The following ANKRD18A variants were observed in gnomAD, a reference collection of about 807,000 sequenced individuals.
The protein encoded by ANKRD18A is ankyrin repeat domain-containing protein 18A.
ANKRD18A carries 72 observed loss-of-function variants against 110.6 expected under a neutral mutation model. That is an observed-to-expected ratio of 0.65 (90% CI 0.54 to 0.79). The LOEUF (loss-of-function observed/expected upper bound fraction) is 0.79. Ranked by LOEUF, ANKRD18A falls within the 30% of genes least tolerant of loss-of-function variation. The pLI is 0.00. For synonymous variants in ANKRD18A, 305 were observed against 410.3 expected, an observed-to-expected ratio of 0.74 and a Z score of 3.10; for missense variants, 934 against 1,163.3, an observed-to-expected ratio of 0.80 and a Z score of 2.87.
chr9:38,571,859 T>C lies in ANKRD18A; in HGVS notation c.*186A>G. On this transcript the variant is annotated 3_prime_UTR_variant, in exon 16 of 16. Transcript: ENST00000399703. ...CATATGTGACATGAAAATATTCTAC[T>C]TTAGTAAAGATTATGATGTTTTATA... The C allele has an allele frequency of 7.7e-7, 1 of 1,294,784 alleles. No individual in the cohort carries two copies. The highest frequency in any genetic ancestry group is 9.9e-7 in the Non-Finnish European group (1 of 1,012,516). The allele number at this position is 1,294,784 out of a possible 1,614,324, so 80.2% of individuals were successfully genotyped here.
chr9:38,580,984 A>G (rs914610000), intron 12 of ANKRD18A, among the ~76,000 whole-genome samples: 1 of 152,236 alleles, frequency 6.6e-6, no homozygotes, highest in African/African-American at 2.4e-5. Context: ...AGCATCAACC[A>G]TCAAACACAT....
intron 6 of ANKRD18A, among the ~76,000 whole-genome samples, chr9:38,605,713 A>G (rs1357388416): frequency 6.6e-6 from 1 of 152,116 alleles, no homozygotes; most frequent in Non-Finnish European, 1.5e-5. Context: ...TCCTGGGTTC[A>G]AGCAATTCTT....
downstream of ANKRD18A, chr9:38,566,600 C>A (rs1040359334): frequency 1.3e-5 from 2 of 152,144 alleles, no homozygotes; most frequent in Non-Finnish European, 2.9e-5. Flanking sequence ...TTTCAGGTAT[C>A]TTTATAGCAA....
chr9:38,597,031 G>A (rs189170741), intron 8 of ANKRD18A, among the ~76,000 whole-genome samples: 53 of 152,240 alleles, frequency 3.5e-4, no homozygotes, highest in Admixed American at 2.5e-3. Flanking sequence ...CAAGCTGCAG[G>A]ATTTTCCTCA....
intron 12 of ANKRD18A, among the ~76,000 whole-genome samples, chr9:38,582,763 T>C (rs1824217359): frequency 6.6e-6 from 1 of 152,242 alleles, no homozygotes; most frequent in Admixed American, 6.5e-5. Context: ...TAAATCTTTG[T>C]GACTGCATTT....
At chr9:38,615,183 C>A (rs28728078) in intron 3 of ANKRD18A, among the ~76,000 whole-genome samples, 1 of 152,274 alleles carries the variant, frequency 6.6e-6, no homozygotes, top group East Asian at 1.9e-4. Flanking sequence ...TTAAACCTTG[C>A]CCATGAAAGA....
chr9:38,591,511 G>A (rs566578070), intron 10 of ANKRD18A, among the ~76,000 whole-genome samples: 3 of 152,158 alleles, frequency 2.0e-5, no homozygotes, highest in Non-Finnish European at 4.4e-5. Context: ...TGAGCTACAG[G>A]TAAGATTTGC....
chr9:38,613,232 G>C (rs1825716292), intron 3 of ANKRD18A, among the ~76,000 whole-genome samples: 1 of 150,728 alleles, frequency 6.6e-6, no homozygotes, highest in Non-Finnish European at 1.5e-5. Context: ...AGCAGACCAA[G>C]CAGTGATGTG....
intron 6 of ANKRD18A, among the ~76,000 whole-genome samples, chr9:38,604,449 T>C (rs1355270328): frequency 6.9e-6 from 1 of 145,206 alleles, no homozygotes; most frequent in Non-Finnish European, 1.5e-5. Context: ...TAGCCAACCA[T>C]GAAGGGAGAC....
chr9:38,615,200 C>T (rs1357229392), intron 3 of ANKRD18A, among the ~76,000 whole-genome samples: 4 of 152,204 alleles, frequency 2.6e-5, no homozygotes, highest in African/African-American at 9.6e-5. Context: ...AAGATACATC[C>T]ATTTTGTTAG....
chr9:38,615,755 G>T lies in ANKRD18A; in HGVS notation c.334C>A (p.Gln112Lys). Residue 112 changes from glutamine (Q) to lysine (K), a missense_variant, in exon 3 of 16, where the codon CAG (glutamine) becomes AAG (lysine). Transcript: ENST00000399703. ...RTPLMKAVHS[Q>K]EEACAIVLLE... is the part of the protein sequence containing the mutation. ...AGAACGATGGCACAAGCCTCTTCCTGGCTGTGTACAGCCTATTAGTGTTAG... is the reference window on the plus strand; with the variant it reads ...AGAACGATGGCACAAGCCTCTTCCTTGCTGTGTACAGCCTATTAGTGTTAG... The T allele has an allele frequency of 6.2e-7, 1 of 1,612,982 alleles. No individual in the cohort carries two copies. Among genetic ancestry groups the T allele is most frequent in the Non-Finnish European group, 8.5e-7 (1 of 1,179,836 alleles).
downstream of ANKRD18A, chr9:38,568,921 C>T (rs1823543117): frequency 2.0e-6 from 2 of 985,456 alleles, no homozygotes; most frequent in Non-Finnish European, 2.4e-6. Context: ...TGACAAGATG[C>T]TGCTGGCTGC....
chr9:38,616,656 T>C (rs1017413666), intron 1 of ANKRD18A, among the ~76,000 whole-genome samples: 1 of 152,110 alleles, frequency 6.6e-6, no homozygotes, highest in African/African-American at 2.4e-5. Context: ...GAATGTCACC[T>C]TGTTGCCCAG....
Position 38,577,944 on chromosome 9 carries a change from T to C in ANKRD18A, c.2452A>G (p.Lys818Glu), listed in dbSNP as rs1399875643. 3.1e-6 allele frequency: 5 copies of C among 1,590,002 alleles called. No individual in the cohort carries two copies. The highest frequency in any genetic ancestry group is 4.3e-6 in the Non-Finnish European group (5 of 1,166,200). The stretch of plus-strand genomic sequence containing the variant: ...AGCTCCGATTTATATTCTTGTAGTT[T>C]ACCAAGTTCTACCATATCTTTTTCC... The part of the protein sequence containing the change: ...HMEKDMVELG[K>E]LQEYKSELDE... The change falls in exon 13 of 16, where the codon AAA becomes GAA. Residue 818 changes from lysine (K) to glutamate (E), a missense_variant. Transcript: ENST00000399703.
At chr9:38,574,979 A>C (rs1823814803) in intron 15 of ANKRD18A, among the ~76,000 whole-genome samples, 1 of 151,988 alleles carries the variant, frequency 6.6e-6, no homozygotes, top group Non-Finnish European at 1.5e-5. Context: ...CTGTAGTCCC[A>C]GCTACTTGGG....
At position 38,577,052 on chromosome 9, in the gene ANKRD18A, C is replaced by T. The variant is rs1168763368; in HGVS notation, c.2741+1G>A. On this transcript the variant is annotated splice_donor_variant, in intron 14 of 15. Coordinates refer to ENST00000399703, the MANE Select transcript of ANKRD18A (RefSeq NM_147195.4). LOFTEE classifies it high-confidence loss of function. ...TTCTATGAGTGTATGTTTTGACTTA[C>T]TTCATTAATTTTTTTGACATGGAAT... 9 of 1,543,780 alleles carry T rather than the reference C, an allele frequency of 5.8e-6. No individual in the cohort carries two copies. Among genetic ancestry groups the T allele is most frequent in the South Asian group, 1.2e-5 (1 of 82,076 alleles).
At chr9:38,577,836 C>G in intron 13 of ANKRD18A, 31 bp downstream of exon 13, 13 of 1,559,950 alleles carry the variant, frequency 8.3e-6, no homozygotes, top group Non-Finnish European at 1.1e-5. Flanking sequence ...AAGCCCATTA[C>G]AGATAAACTT....
chr9:38,608,175 T>A (rs1264096354), intron 5 of ANKRD18A, among the ~76,000 whole-genome samples: 4 of 152,136 alleles, frequency 2.6e-5, no homozygotes, highest in Admixed American at 2.6e-4. Context: ...AAACATATAC[T>A]CTAATTTTCC....
In ANKRD18A at chr9:38,620,496, A is replaced by G. The variant is rs1177854559; in HGVS notation, c.-211T>C. ...TCCAGCCCGGTCCACCACAGCCTTC[A>G]GCAGCGACACTCGCAGACTCCGACC... is the stretch of plus-strand genomic sequence containing the variant. On this transcript the variant is annotated 5_prime_UTR_variant, in exon 1 of 16. Coordinates refer to ENST00000399703, the MANE Select transcript of ANKRD18A (RefSeq NM_147195.4). The G allele has an allele frequency of 2.1e-6, 3 of 1,416,928 alleles. No individual in the cohort carries two copies. The highest frequency in any genetic ancestry group is 2.8e-6 in the Non-Finnish European group (3 of 1,086,978). 87.8% of individuals were successfully genotyped at this position (1,416,928 alleles called of 1,614,324 possible).
Sources: allele counts gnomAD v4.1 joint callset (sites outside exome capture counted in the v4.1 genomes callset), GRCh38; gene constraint gnomAD v4.1.1; transcripts MANE v1.5; gene names NCBI Gene and HGNC (gene_info 2026-07-23, HGNC 2026-07-21).